Variants in FAM178B observed in about 807,000 individuals in gnomAD.
FAM178B encodes protein FAM178B.
FAM178B carries 82 observed loss-of-function variants against 91.7 expected under a neutral mutation model. That is an observed-to-expected ratio of 0.89 (90% confidence interval 0.75 to 1.07). FAM178B has a LOEUF of 1.07. FAM178B is among the 50% of genes least tolerant of loss of function. FAM178B has a pLI of 0.00. For missense variants in FAM178B, 769 were observed against 846.7 expected, an observed-to-expected ratio of 0.91 and a Z score of 1.14; for synonymous variants, 368 against 359.4, an observed-to-expected ratio of 1.02 and a Z score of -0.27.
intron 1 of FAM178B, among the ~76,000 whole-genome samples, chr2:96,974,389 A>G (rs1471676732): frequency 6.7e-6 from 1 of 150,312 alleles, no homozygotes; most frequent in East Asian, 1.9e-4. Context: ...CTCAAAAAAA[A>G]AAAAAAAAAA....
At chr2:96,946,060 A>G (rs1290582656) in intron 8 of FAM178B, among the ~76,000 whole-genome samples, 1 of 151,944 alleles carries the variant, frequency 6.6e-6, no homozygotes. Flanking sequence ...GAATTTGACT[A>G]CCCTGGGTAC....
At chr2:96,943,894 G>A (rs2081775714) in intron 8 of FAM178B, among the ~76,000 whole-genome samples, 1 of 152,220 alleles carries the variant, frequency 6.6e-6, no homozygotes, top group African/African-American at 2.4e-5. Flanking sequence ...GGTTCGCGGT[G>A]GTTTTTTCTT....
intron 12 of FAM178B, 36 bp from the exon 13 acceptor site, chr2:96,902,743 T>G (rs1305245789): frequency 2.0e-6 from 3 of 1,504,720 alleles, no homozygotes; most frequent in Non-Finnish European, 1.8e-6. Flanking sequence ...GAGGGTGTGC[T>G]GGAAGTCGGG....
At chr2:96,962,534 G>A (rs2082096053) in intron 5 of FAM178B, among the ~76,000 whole-genome samples, 1 of 152,092 alleles carries the variant, frequency 6.6e-6, no homozygotes, top group Non-Finnish European at 1.5e-5. Flanking sequence ...ATCTTTTAAA[G>A]GGACTTCTGT....
chr2:96,893,445 G>A (rs1298337727), intron 14 of FAM178B, among the ~76,000 whole-genome samples: 1 of 152,068 alleles, frequency 6.6e-6, no homozygotes, highest in African/African-American at 2.4e-5. Flanking sequence ...GGAAGAACTG[G>A]GGACAGGCCA....
chr2:96,903,511 G>A (rs1287723957), intron 12 of FAM178B, among the ~76,000 whole-genome samples: 1 of 152,238 alleles, frequency 6.6e-6, no homozygotes, highest in Non-Finnish European at 1.5e-5. Context: ...CAGGCTCCCA[G>A]GACAGGCACC....
intron 14 of FAM178B, among the ~76,000 whole-genome samples, chr2:96,890,664 T>C (rs1335646509): frequency 6.6e-6 from 1 of 152,186 alleles, no homozygotes; most frequent in Non-Finnish European, 1.5e-5. Context: ...AGTCAAGTTA[T>C]GCAATGTTTT....
chr2:96,965,762 C>T (rs1401768945), intron 5 of FAM178B, among the ~76,000 whole-genome samples: 2 of 152,072 alleles, frequency 1.3e-5, no homozygotes, highest in East Asian at 3.9e-4. Flanking sequence ...CCACCGTGCC[C>T]AGCCTCCCCC....
At chr2:96,935,231 T>C (rs950041557) in intron 8 of FAM178B, among the ~76,000 whole-genome samples, 1 of 152,162 alleles carries the variant, frequency 6.6e-6, no homozygotes, top group Admixed American at 6.5e-5. Flanking sequence ...AAGAATTTTA[T>C]TCTCTGACAA....
intron 8 of FAM178B, among the ~76,000 whole-genome samples, chr2:96,937,388 G>A (rs1033590048): frequency 3.9e-5 from 6 of 152,206 alleles, no homozygotes; most frequent in South Asian, 2.1e-4. Flanking sequence ...CCCTGGCTCC[G>A]GAGCATTACT....
chr2:96,986,466 G>C lies in FAM178B; in HGVS notation c.-153C>G. 2.3e-6 allele frequency: 2 copies of C among 854,446 alleles called. No homozygotes were observed. The highest frequency in any genetic ancestry group is 3.5e-6 in the Non-Finnish European group (2 of 574,744). 52.9% of individuals were successfully genotyped at this position (854,446 alleles called of 1,614,324 possible). On this transcript the variant is annotated 5_prime_UTR_variant, in exon 1 of 17. Coordinates refer to ENST00000490605, the MANE Select transcript of FAM178B (RefSeq NM_001122646.3). ...CCAAGAGTTGCGTCCCTAGATCCAG[G>C]GCCGCCAACGTGGAACCTAAAGATC...
At chr2:96,899,851 CTTTTTT>C (rs78433909) in intron 13 of FAM178B, among the ~76,000 whole-genome samples, 5 of 113,514 alleles carry the variant, frequency 4.4e-5, no homozygotes, top group African/African-American at 1.0e-4. Flanking sequence ...ATTCCCCACT[CTTTTTT>C]TTTTTTTTTT....
In FAM178B at chr2:96,926,848, C is replaced by T. The variant is rs531644350; in HGVS notation, c.1193+2358G>A. ...AGCAACTAAAGAGACAGCCCAGTTA[C>T]GGTGGGGACATGCACAGATGTCTGA... On this transcript the variant is annotated intron_variant, in intron 9 of 16. Transcript: ENST00000490605. 3.3e-4 allele frequency among the ~76,000 whole-genome samples: 51 copies of T among 152,302 alleles called. 1 individual carries two copies. The highest frequency in any genetic ancestry group is 2.5e-3 in the Admixed American group (39 of 15,298).
At chr2:96,979,399 A>G (rs1057433285) in intron 1 of FAM178B, among the ~76,000 whole-genome samples, 1 of 149,492 alleles carries the variant, frequency 6.7e-6, no homozygotes, top group African/African-American at 2.5e-5. Context: ...ACGGGGTTTC[A>G]TCATGTTGGC....
chr2:96,946,014 G>A (rs2081821620), intron 8 of FAM178B, among the ~76,000 whole-genome samples: 1 of 151,920 alleles, frequency 6.6e-6, no homozygotes, highest in African/African-American at 2.4e-5. Context: ...CCTTCCCCTA[G>A]CCCCCGGTAA....
At chr2:96,930,980 C>T (rs1412460637) in intron 8 of FAM178B, among the ~76,000 whole-genome samples, 1 of 152,178 alleles carries the variant, frequency 6.6e-6, no homozygotes, top group Admixed American at 6.5e-5. Context: ...TTGGACTTCC[C>T]AGCCTCCAGA....
Position 96,921,606 on chromosome 2 carries a change from T to G in FAM178B, c.1336A>C (p.Asn446His), listed in dbSNP as rs1283991836. 6.4e-7 allele frequency: 1 copy of G among 1,551,588 alleles called. No homozygotes were observed. The highest frequency in any genetic ancestry group is 2.4e-5 in the East Asian group (1 of 40,904). The change falls in exon 11 of 17, where the codon AAC (asparagine) becomes CAC (histidine). Residue 446 changes from asparagine to histidine, a missense_variant. Transcript: ENST00000490605. ...QAQPGAYTDE[N>H]LMGLIELLCR... ...AGCAGCTCAATCAGTCCCATGAGGT[T>G]CTCATCAGTGTAGGCCCCCGGCTGG...
At chr2:96,964,048 C>G (rs2082114218) in intron 5 of FAM178B, among the ~76,000 whole-genome samples, 1 of 151,978 alleles carries the variant, frequency 6.6e-6, no homozygotes, top group African/African-American at 2.4e-5. Context: ...GGTGTGGTGG[C>G]CCACACCTGT....
At chr2:96,882,593 A>G (rs1482236239) in intron 14 of FAM178B, among the ~76,000 whole-genome samples, 4 of 152,200 alleles carry the variant, frequency 2.6e-5, no homozygotes. Context: ...TCCACGAGGC[A>G]GGAGAGAGAG....
Sources: gnomAD v4.1 joint callset for allele counts (sites outside exome capture counted in the v4.1 genomes callset) on GRCh38, gnomAD v4.1.1 for gene constraint, MANE v1.5 for transcripts, NCBI Gene and HGNC (gene_info 2026-07-23, HGNC 2026-07-21) for gene names.